The following ARHGAP31 variants were observed in gnomAD, a reference collection of about 807,000 sequenced individuals.
ARHGAP31 encodes rho GTPase-activating protein 31.
A neutral mutation model predicts 113.9 loss-of-function variants in ARHGAP31; 34 were observed. The ratio of observed to expected loss-of-function variants is 0.30; its 90% CI spans 0.23 to 0.40. ARHGAP31 has a LOEUF of 0.40. ARHGAP31 is among the 10% of genes least tolerant of loss of function. The probability of loss-of-function intolerance (pLI) is 1.00; values close to 1 mark genes in which losing one functional copy is unlikely to be tolerated. For synonymous variants in ARHGAP31, 650 were observed against 684.8 expected, an observed-to-expected ratio of 0.95 and a Z score of 0.79; for missense variants, 1,548 against 1,767.1, an observed-to-expected ratio of 0.88 and a Z score of 2.22.
chr3:119,371,463 A>G (rs902190525), intron 3 of ARHGAP31, among the ~76,000 whole-genome samples: 3 of 152,210 alleles, frequency 2.0e-5, no homozygotes, highest in East Asian at 1.9e-4. Flanking sequence ...TGTTATGACA[A>G]CTAACTCTAT....
intron 4 of ARHGAP31, among the ~76,000 whole-genome samples, chr3:119,381,997 A>T (rs1235862510): frequency 6.6e-6 from 1 of 151,334 alleles, no homozygotes; most frequent in Non-Finnish European, 1.5e-5. Flanking sequence ...AAAAAAAAAA[A>T]AAAAAAAAAA....
intron 1 of ARHGAP31, among the ~76,000 whole-genome samples, chr3:119,325,665 G>A (rs1169994560): frequency 8.9e-6 from 1 of 111,874 alleles, no homozygotes; most frequent in East Asian, 3.1e-4. Context: ...GGTTGGGGGG[G>A]AAGGGGGGGA....
intron 8 of ARHGAP31, 30 bp downstream of exon 8, chr3:119,393,621 A>G: frequency 1.9e-6 from 3 of 1,613,120 alleles, no homozygotes; most frequent in Non-Finnish European, 2.5e-6. Flanking sequence ...GTTTTATGAT[A>G]CAAATATTTG....
At chr3:119,300,845 AG>A (rs138457005) in intron 1 of ARHGAP31, among the ~76,000 whole-genome samples, 10,155 of 90,650 alleles carry the variant, frequency 0.11, 510 homozygotes, top group South Asian at 0.16. Context: ...AAAAAAAAAA[AG>A]AAAGAAAGAA....
At position 119,364,104 on chromosome 3, in the gene ARHGAP31, C is replaced by T. The variant is rs185572813; in HGVS notation, c.101-1212C>T. 2.9e-3 allele frequency among the ~76,000 whole-genome samples: 444 copies of T among 152,106 alleles called. 3 individuals are homozygous for T. Among genetic ancestry groups the T allele is most frequent in the African/African-American group, 0.01 (430 of 41,486 alleles). On this transcript the variant is annotated intron_variant, in intron 1 of 11. Transcript: ENST00000264245. ...CTCAAAGTCAGCCGCCCGGAGAGAACAGCACAGCCAGACCCTTCTACCAGG... is the reference window on the plus strand; with the variant it reads ...CTCAAAGTCAGCCGCCCGGAGAGAATAGCACAGCCAGACCCTTCTACCAGG...
intron 1 of ARHGAP31, among the ~76,000 whole-genome samples, chr3:119,320,542 A>G (rs1187526163): frequency 6.6e-6 from 1 of 152,222 alleles, no homozygotes; most frequent in East Asian, 1.9e-4. Flanking sequence ...CATTGTAAAC[A>G]AAACTTTTCA....
intron 1 of ARHGAP31, among the ~76,000 whole-genome samples, chr3:119,322,061 G>C (rs2079792622): frequency 6.6e-6 from 1 of 152,168 alleles, no homozygotes; most frequent in African/African-American, 2.4e-5. Flanking sequence ...TGAATATTGT[G>C]AGGCATATGG....
intron 10 of ARHGAP31, among the ~76,000 whole-genome samples, chr3:119,403,064 G>A (rs2080627420): frequency 6.6e-6 from 1 of 152,176 alleles, no homozygotes; most frequent in African/African-American, 2.4e-5. Context: ...CTGGAGTGAA[G>A]AGAGTTTCTT....
chr3:119,410,199 C>T (rs2080703812), intron 11 of ARHGAP31, among the ~76,000 whole-genome samples: 1 of 152,208 alleles, frequency 6.6e-6, no homozygotes, highest in South Asian at 2.1e-4. Flanking sequence ...ACACTTATTT[C>T]CAAAACAATA....
At chr3:119,307,960 A>AAAAAAAAAAAAC (rs2079645557) in intron 1 of ARHGAP31, among the ~76,000 whole-genome samples, 1 of 150,084 alleles carries the variant, frequency 6.7e-6, no homozygotes, top group Non-Finnish European at 1.5e-5. Flanking sequence ...AAAAAAAAAA[A>AAAAAAAAAAAAC]GCTCAATCTT....
At chr3:119,376,445 G>A (rs762115339) in intron 3 of ARHGAP31, among the ~76,000 whole-genome samples, 5 of 152,078 alleles carry the variant, frequency 3.3e-5, no homozygotes, top group African/African-American at 4.8e-5. Flanking sequence ...CCCCTGCTCC[G>A]TCTCCCATCA....
chr3:119,338,109 TTTA>T (rs1229824941), intron 1 of ARHGAP31, among the ~76,000 whole-genome samples: 1 of 152,228 alleles, frequency 6.6e-6, no homozygotes, highest in African/African-American at 2.4e-5. Flanking sequence ...TTAGTACACT[TTTA>T]TTATTTATCC....
chr3:119,297,945 C>CACACACACACACACACACACACACA (rs1559958490), intron 1 of ARHGAP31, among the ~76,000 whole-genome samples: 2 of 150,642 alleles, frequency 1.3e-5, no homozygotes, highest in African/African-American at 4.9e-5. Flanking sequence ...CACACACACA[C>CACACACACACACACACACACACACA]CGTGTATGCA....
chr3:119,306,953 T>G (rs6438518), intron 1 of ARHGAP31, among the ~76,000 whole-genome samples: 63,870 of 151,812 alleles, frequency 0.42, 13,631 homozygotes, highest in South Asian at 0.46. Context: ...TAAAATTATT[T>G]TAGGAATAGT....
chr3:119,300,248 C>T (rs2079569420), intron 1 of ARHGAP31, among the ~76,000 whole-genome samples: 1 of 152,190 alleles, frequency 6.6e-6, no homozygotes, highest in Non-Finnish European at 1.5e-5. Context: ...AGAGGGCAAG[C>T]ACATGGTAAA....
intron 1 of ARHGAP31, among the ~76,000 whole-genome samples, chr3:119,364,437 T>C (rs2107622340): frequency 6.6e-6 from 1 of 152,216 alleles, no homozygotes; most frequent in Non-Finnish European, 1.5e-5. Flanking sequence ...CATCTTCCAA[T>C]GTATTAATTA....
chr3:119,312,784 G>A (rs976174895), intron 1 of ARHGAP31, among the ~76,000 whole-genome samples: 67 of 152,230 alleles, frequency 4.4e-4, no homozygotes, highest in African/African-American at 1.6e-3. Context: ...GCCCAGTGTG[G>A]CAGCCACTAG....
chr3:119,333,024 A>G (rs147784420), intron 1 of ARHGAP31, among the ~76,000 whole-genome samples: 177 of 152,354 alleles, frequency 1.2e-3, no homozygotes, highest in African/African-American at 4.1e-3. Flanking sequence ...CTAAAGTCAT[A>G]TAGAAGACTA....
Position 119,337,313 on chromosome 3 carries a change from A to G in ARHGAP31, c.101-28003A>G, listed in dbSNP as rs564625754. The stretch of plus-strand genomic sequence containing the variant: ...TGCAGACCTTTGCGTTGAGTGTTAC[A>G]GTTCATAAAGTTGGCGCGTCCAGAG... On this transcript the variant is annotated intron_variant, in intron 1 of 11. Coordinates refer to ENST00000264245, the MANE Select transcript of ARHGAP31 (RefSeq NM_020754.4). 2.6e-5 allele frequency among the ~76,000 whole-genome samples: 4 copies of G among 152,086 alleles called. No individual in the cohort carries two copies. The South Asian group carries it at 8.3e-4, about 32-fold the overall frequency.
Sources: gnomAD v4.1 joint callset for allele counts (sites outside exome capture counted in the v4.1 genomes callset) on GRCh38, gnomAD v4.1.1 for gene constraint, MANE v1.5 for transcripts, NCBI Gene and HGNC (gene_info 2026-07-23, HGNC 2026-07-21) for gene names.